The following HNRNPR variants were observed in gnomAD, a reference collection of about 807,000 sequenced individuals.
HNRNPR encodes heterogeneous nuclear ribonucleoprotein R.
A neutral mutation model predicts 70.3 loss-of-function variants in HNRNPR; 4 were observed. The observed-to-expected ratio is 0.06, with a 90% CI of 0.03 to 0.13. The LOEUF (loss-of-function observed/expected upper bound fraction) is 0.13, where lower values mean the gene tolerates loss of function less well. HNRNPR is among the 10% of genes least tolerant of loss of function. The pLI is 1.00. For missense variants in HNRNPR, 423 were observed against 788.5 expected (o/e 0.54, Z 5.55); for synonymous variants, 241 against 267.6 (o/e 0.90, Z 0.97).
intron 5 of HNRNPR, among the ~76,000 whole-genome samples, chr1:23,330,760 T>C (rs1646188660): frequency 6.6e-6 from 1 of 152,190 alleles, no homozygotes; most frequent in African/African-American, 2.4e-5. Flanking sequence ...TTACAGATTT[T>C]ACCCAAAAAT....
chr1:23,340,796 A>G, intron 2 of HNRNPR, 56 bp downstream of exon 2: 3 of 1,367,578 alleles, frequency 2.2e-6, no homozygotes, highest in Non-Finnish European at 3.0e-6. Context: ...TATAAAATTC[A>G]AAGTGGTTTG....
intron 4 of HNRNPR, among the ~76,000 whole-genome samples, chr1:23,336,773 A>AG (rs1414398534): frequency 6.6e-6 from 1 of 151,058 alleles, no homozygotes; most frequent in East Asian, 1.9e-4. Flanking sequence ...GTCTCAAAAA[A>AG]AAAAAAAAAA....
Position 23,307,449 on chromosome 1 carries a change from T to G in HNRNPR, c.*3005A>C, listed in dbSNP as rs1312654899. ...AAAAGAGAGAAAAATTATCTCCTACTATCAGAAAGCATTGGGCTTTCTTAT... is the reference window on the plus strand; with the variant it reads ...AAAAGAGAGAAAAATTATCTCCTACGATCAGAAAGCATTGGGCTTTCTTAT... On this transcript the variant is annotated 3_prime_UTR_variant, in exon 11 of 11. Transcript: ENST00000302271. 6.6e-6 allele frequency: 1 copy of G among 152,050 alleles called. No homozygotes were observed. Among genetic ancestry groups the G allele is most frequent in the Non-Finnish European group, 1.5e-5 (1 of 67,954 alleles). 9.4% of individuals were successfully genotyped at this position (152,050 alleles called of 1,614,324 possible).
chr1:23,311,455 G>T, intron 9 of HNRNPR, 133 bp from the exon 10 acceptor site: 1 of 626,198 alleles, frequency 1.6e-6, no homozygotes, highest in African/African-American at 1.9e-5. Context: ...AATGGCAAAA[G>T]GTGAATCTAG....
At chr1:23,332,905 C>T (rs543877232) in intron 5 of HNRNPR, among the ~76,000 whole-genome samples, 3 of 151,768 alleles carry the variant, frequency 2.0e-5, no homozygotes, top group Admixed American at 6.6e-5. Flanking sequence ...AAAAAGCAGC[C>T]GGGTGTGGAG....
chr1:23,335,473 A>G (rs569337304), intron 4 of HNRNPR, among the ~76,000 whole-genome samples: 11 of 152,330 alleles, frequency 7.2e-5, no homozygotes, highest in Admixed American at 3.3e-4. Flanking sequence ...ACAAAGCTTC[A>G]TCTGTATTTA....
At chr1:23,333,771 C>T (rs1403514246) in intron 4 of HNRNPR, 140 bp from the exon 5 acceptor site, 3 of 560,086 alleles carry the variant, frequency 5.4e-6, no homozygotes, top group South Asian at 2.5e-5. Flanking sequence ...AGTCAAAATT[C>T]GCACTGGTTC....
chr1:23,328,327 T>C lies in HNRNPR; in HGVS notation c.499-4595A>G, dbSNP rs549336282. Among the ~76,000 whole-genome samples the C allele has an allele frequency of 1.2e-4, 19 of 152,252 alleles. No homozygotes were observed. The South Asian group carries it at 3.1e-3, about 25-fold the overall frequency. ...GTAGAAAATGGATTGTATGGAGAAA[T>C]AGGCTGACTGGTCAGGTGAACAGGG... On this transcript the variant is annotated intron_variant, in intron 5 of 10. Coordinates refer to ENST00000302271, the MANE Select transcript of HNRNPR (RefSeq NM_005826.5).
chr1:23,314,236 T>A (rs1413987573), intron 8 of HNRNPR, among the ~76,000 whole-genome samples: 1 of 152,068 alleles, frequency 6.6e-6, no homozygotes, highest in Non-Finnish European at 1.5e-5. Flanking sequence ...TCCAAATAGA[T>A]TGAAAATTTA....
At chr1:23,333,680 A>G (rs903233893) in intron 4 of HNRNPR, 49 bp from the exon 5 acceptor site, 3 of 1,042,790 alleles carry the variant, frequency 2.9e-6, no homozygotes, top group African/African-American at 3.1e-5. Flanking sequence ...AATCTCACAC[A>G]CAAGCATCAG....
At chr1:23,328,047 C>G (rs1335838468) in intron 5 of HNRNPR, among the ~76,000 whole-genome samples, 1 of 150,914 alleles carries the variant, frequency 6.6e-6, no homozygotes, top group Non-Finnish European at 1.5e-5. Context: ...AAAGAGCATT[C>G]CAAGTTGATG....
chr1:23,314,696 T>C (rs1223979601), intron 8 of HNRNPR, among the ~76,000 whole-genome samples: 1 of 152,206 alleles, frequency 6.6e-6, no homozygotes, highest in Non-Finnish European at 1.5e-5. Flanking sequence ...TATACACTAT[T>C]TTGTCAAGAA....
intron 4 of HNRNPR, 96 bp downstream of exon 4, chr1:23,337,658 A>C (rs1375286289): frequency 1.2e-6 from 1 of 831,332 alleles, no homozygotes; most frequent in Non-Finnish European, 1.9e-6. Context: ...CCGTCTCAAA[A>C]AAAAAAAAAG....
intron 4 of HNRNPR, among the ~76,000 whole-genome samples, chr1:23,334,909 C>A (rs1646401940): frequency 6.6e-6 from 1 of 151,558 alleles, no homozygotes; most frequent in Admixed American, 6.6e-5. Flanking sequence ...GAAATTTACA[C>A]TTCAGTTTTT....
intron 5 of HNRNPR, among the ~76,000 whole-genome samples, chr1:23,324,051 G>A (rs1645863403): frequency 6.6e-6 from 1 of 151,948 alleles, no homozygotes; most frequent in Non-Finnish European, 1.5e-5. Context: ...AGCAGCTCAC[G>A]CCTGTAATCC....
In HNRNPR at chr1:23,318,168, T is replaced by G. The variant is rs2806553; in HGVS notation, c.1017+315A>C. Among the ~76,000 whole-genome samples the G allele has an allele frequency of 7.0e-6, 1 of 142,334 alleles. No homozygotes were observed. 93.4% of individuals were successfully genotyped at this position (142,334 alleles called of 152,430 possible). A position where few individuals can be genotyped will look rare whatever the true frequency, so the allele number is the denominator to read the frequency against. ...TACTTCTCTCTTTACTCAGGACTTT[T>G]AAAAAAAAAAAAAACCTCTATCCCT... On this transcript the variant is annotated intron_variant, in intron 8 of 10. Coordinates refer to ENST00000302271, the MANE Select transcript of HNRNPR (RefSeq NM_005826.5). This position sits in a 1 kb window ranked among gnomAD's most constrained non-coding sequence, Gnocchi z 4.2.
intron 4 of HNRNPR, among the ~76,000 whole-genome samples, chr1:23,334,745 T>C (rs1342528433): frequency 6.6e-6 from 1 of 152,214 alleles, no homozygotes; most frequent in Non-Finnish European, 1.5e-5. Flanking sequence ...CAACCTTCCT[T>C]ACATTCTATT....
At chr1:23,337,922 A>T in intron 3 of HNRNPR, 61 bp from the exon 4 acceptor site, 1 of 959,704 alleles carries the variant, frequency 1.0e-6, no homozygotes, top group Non-Finnish European at 1.6e-6. Context: ...GGTCAGATAC[A>T]TAATTAAATT....
intron 5 of HNRNPR, among the ~76,000 whole-genome samples, chr1:23,331,501 G>A (rs556148024): frequency 1.3e-5 from 2 of 151,530 alleles, no homozygotes; most frequent in East Asian, 3.9e-4. Context: ...GACCAACATG[G>A]AGAAACCCCT....
Sources: gnomAD v4.1 joint callset for allele counts (sites outside exome capture counted in the v4.1 genomes callset) on GRCh38, gnomAD v4.1.1 for gene constraint, Gnocchi (gnomAD v3.1) non-coding constraint, MANE v1.5 for transcripts, NCBI Gene and HGNC (gene_info 2026-07-23, HGNC 2026-07-21) for gene names.